The following CNTNAP2 variants were observed in gnomAD, a reference collection of about 807,000 sequenced individuals.
CNTNAP2 encodes contactin-associated protein-like 2.
In CNTNAP2, 98 loss-of-function variants were observed where a neutral mutation model predicts 155.2. The observed-to-expected ratio is 0.63, with a 90% confidence interval of 0.54 to 0.75. The LOEUF (loss-of-function observed/expected upper bound fraction) is 0.75, where lower values mean the gene tolerates loss of function less well. Among genes scored for constraint, CNTNAP2 ranks in the 30% least tolerant of loss-of-function variants. The probability of loss-of-function intolerance (pLI) is 0.00; values close to 1 mark genes in which losing one functional copy is unlikely to be tolerated. For synonymous variants in CNTNAP2, 651 were observed against 631.2 expected (o/e 1.03, Z -0.47); for missense variants, 1,727 against 1,688.1 (o/e 1.02, Z -0.40).
intron 12 of CNTNAP2, among the ~76,000 whole-genome samples, chr7:147,567,164 A>AG (rs1244997253): frequency 3.3e-5 from 5 of 152,162 alleles, no homozygotes; most frequent in Non-Finnish European, 7.3e-5. Context: ...CTAGGCAATT[A>AG]GGGGGTGTTC....
At chr7:146,944,690 A>T (rs1205924653) in intron 3 of CNTNAP2, among the ~76,000 whole-genome samples, 2 of 152,090 alleles carry the variant, frequency 1.3e-5, no homozygotes, top group African/African-American at 4.8e-5. Flanking sequence ...CATCCTGGCT[A>T]ACACGGTGAA....
intron 22 of CNTNAP2, among the ~76,000 whole-genome samples, chr7:148,405,648 G>A (rs1291163383): frequency 4.6e-5 from 5 of 108,726 alleles, no homozygotes; most frequent in East Asian, 5.8e-4. Context: ...AGACAGTCTC[G>A]CTCTGTCACC....
chr7:147,775,804 C>G lies in CNTNAP2; in HGVS notation c.2099-127761C>G, dbSNP rs575823838. Among the ~76,000 whole-genome samples, 7 of 152,172 alleles carry G rather than the reference C, an allele frequency of 4.6e-5. No homozygotes were observed. The South Asian group carries it at 1.2e-3, about 27-fold the overall frequency. The stretch of plus-strand genomic sequence containing the variant: ...TATTATATCTATCTGTTGTCTATTC[C>G]TGGATCCTATCTTTAAGGTGTTACT... On this transcript the variant is annotated intron_variant, in intron 13 of 23. Transcript: ENST00000361727.
At chr7:146,535,272 T>G (rs13225007) in intron 1 of CNTNAP2, among the ~76,000 whole-genome samples, 3 of 57,596 alleles carry the variant, frequency 5.2e-5, no homozygotes, top group Non-Finnish European at 5.2e-5. Context: ...TCATATATAT[T>G]ATATATTATA....
At chr7:147,862,221 T>A (rs540696765) in intron 13 of CNTNAP2, among the ~76,000 whole-genome samples, 6 of 152,206 alleles carry the variant, frequency 3.9e-5, no homozygotes, top group Admixed American at 6.5e-5. Context: ...GCCTGACACA[T>A]AACTGTGATT....
chr7:148,137,669 A>AAAGGAAGGAAGGAAGGAAGGAAGG (rs35867113), intron 16 of CNTNAP2, among the ~76,000 whole-genome samples: 3 of 107,740 alleles, frequency 2.8e-5, no homozygotes, highest in Admixed American at 1.1e-4. Flanking sequence ...CTCAGAAAAA[A>AAAGGAAGGAAGGAAGGAAGGAAGG]AAGGAAGGAA....
At chr7:147,606,923 CACAGAGAA>C (rs796178781) in intron 12 of CNTNAP2, among the ~76,000 whole-genome samples, 1 of 151,356 alleles carries the variant, frequency 6.6e-6, no homozygotes, top group Non-Finnish European at 1.5e-5. Context: ...TGATAAGCCT[CACAGAGAA>C]TTTTTTTTTT....
chr7:147,009,590 A>G (rs1798588670), intron 3 of CNTNAP2, among the ~76,000 whole-genome samples: 1 of 152,162 alleles, frequency 6.6e-6, no homozygotes, highest in Admixed American at 6.6e-5. Flanking sequence ...ATTCAATTGA[A>G]TGAAAGGAAA....
rs534914034 is a variant in CNTNAP2, at chr7:147,739,539, G to A, written c.2098+100233G>A. 3.3e-5 allele frequency among the ~76,000 whole-genome samples: 5 copies of A among 152,058 alleles called. No homozygotes were observed. In the South Asian group the frequency reaches 1.0e-3, roughly 32 times the overall value. ...TGAAACTAAAATAGGAATTTTCAGG[G>A]TTCTTATGGAAAGGTGAGTCTAATG... is the stretch of plus-strand genomic sequence containing the variant. On this transcript the variant is annotated intron_variant, in intron 13 of 23. Transcript: ENST00000361727.
At chr7:147,790,140 CTGTT>C (rs768204765) in intron 13 of CNTNAP2, among the ~76,000 whole-genome samples, 20 of 152,136 alleles carry the variant, frequency 1.3e-4, no homozygotes, top group Non-Finnish European at 2.1e-4. Context: ...GTTGTCATGT[CTGTT>C]TATCATTCAG....
At chr7:146,375,419 CA>C (rs1171990698) in intron 1 of CNTNAP2, among the ~76,000 whole-genome samples, 4 of 152,198 alleles carry the variant, frequency 2.6e-5, no homozygotes, top group African/African-American at 9.6e-5. Flanking sequence ...TGAGCTTCAG[CA>C]CCAGTCCTGT....
intron 11 of CNTNAP2, among the ~76,000 whole-genome samples, chr7:147,499,403 C>A (rs1798769992): frequency 6.6e-6 from 1 of 151,976 alleles, no homozygotes; most frequent in African/African-American, 2.4e-5. Context: ...GTGGCAGGCG[C>A]CTGTAGTCCC....
chr7:148,067,025 C>T (rs1803279150), intron 15 of CNTNAP2, among the ~76,000 whole-genome samples: 1 of 151,806 alleles, frequency 6.6e-6, no homozygotes, highest in African/African-American at 2.4e-5. Context: ...TTTTAAATTT[C>T]TTTAAGTTGG....
intron 1 of CNTNAP2, among the ~76,000 whole-genome samples, chr7:146,460,714 A>G (rs1796623652): frequency 6.6e-6 from 1 of 152,214 alleles, no homozygotes. Context: ...AAGTGAAATA[A>G]GCCAGGCACA....
chr7:148,138,807 C>T (rs1805006764), intron 16 of CNTNAP2, among the ~76,000 whole-genome samples: 1 of 152,182 alleles, frequency 6.6e-6, no homozygotes, highest in South Asian at 2.1e-4. Flanking sequence ...ACTGCAAGTC[C>T]TACATGGGGT....
intron 14 of CNTNAP2, among the ~76,000 whole-genome samples, chr7:147,931,223 A>G: frequency 6.6e-6 from 1 of 151,932 alleles, no homozygotes; most frequent in Non-Finnish European, 1.5e-5. Context: ...AAAAATAGAA[A>G]AACTTGAAGA....
At chr7:147,217,410 T>A (rs1049123663) in intron 8 of CNTNAP2, among the ~76,000 whole-genome samples, 11 of 151,988 alleles carry the variant, frequency 7.2e-5, no homozygotes, top group African/African-American at 2.7e-4. Flanking sequence ...TTAATATACT[T>A]ATGTGATTTT....
intron 17 of CNTNAP2, among the ~76,000 whole-genome samples, chr7:148,159,274 C>T (rs776197839): frequency 1.8e-4 from 27 of 152,260 alleles, no homozygotes; most frequent in Admixed American, 1.4e-3. Flanking sequence ...TTCACCCTCT[C>T]GCCATCGCCG....
intron 8 of CNTNAP2, among the ~76,000 whole-genome samples, chr7:147,280,809 A>G (rs1805017800): frequency 1.3e-5 from 2 of 151,980 alleles, no homozygotes; most frequent in Admixed American, 6.6e-5. Flanking sequence ...ATCCCATGAT[A>G]TGAAAAGTAA....
Sources: allele counts gnomAD v4.1 joint callset (sites outside exome capture counted in the v4.1 genomes callset), GRCh38; gene constraint gnomAD v4.1.1; transcripts MANE v1.5; gene names NCBI Gene and HGNC (gene_info 2026-07-23, HGNC 2026-07-21).